Variants in CCDC80 observed in about 807,000 individuals in gnomAD.
CCDC80 encodes the protein coiled-coil domain-containing protein 80.
Under a neutral mutation model 78.7 loss-of-function variants are expected in CCDC80, and 49 were observed. The ratio of observed to expected loss-of-function variants is 0.62; its 90% CI spans 0.50 to 0.79. CCDC80 has a LOEUF of 0.79. Ranked by LOEUF, CCDC80 falls within the 30% of genes least tolerant of loss-of-function variation. The pLI, the probability that CCDC80 is intolerant of heterozygous loss-of-function variation, is 0.00. For missense variants in CCDC80, 1,205 were observed against 1,198.6 expected (o/e 1.01, Z -0.08); for synonymous variants, 488 against 447.0 (o/e 1.09, Z -1.16).
chr3:112,616,754 A>G lies in CCDC80; in HGVS notation c.2277T>C (p.Val759=). ...DMEKQKKEGI[V]CKEDKKQSLE... ...GGGACTGCTTTTTGTCCTCTTTGCA[A>G]ACAATGCCCTCCTTCTTCTGCTTCT... The change falls in exon 5 of 8, where the codon GTT becomes GTC. Residue 759 remains valine (V), a synonymous_variant. Coordinates refer to ENST00000206423, the MANE Select transcript of CCDC80 (RefSeq NM_199511.3). 1 of 1,614,208 alleles carries G rather than the reference A, an allele frequency of 6.2e-7. No homozygotes were observed. The highest frequency in any genetic ancestry group is 2.2e-5 in the East Asian group (1 of 44,882).
rs1935426315 is a variant in CCDC80, at chr3:112,604,175, A to G, written c.*1242T>C. ...CAACAAAGGATTTACAACATTACAT[A>G]AATTTCATTAATAAAGCAGCAACAG... On this transcript the variant is annotated 3_prime_UTR_variant, in exon 8 of 8. Transcript: ENST00000206423. 6.6e-6 allele frequency: 1 copy of G among 152,266 alleles called. No homozygotes were observed. The highest frequency in any genetic ancestry group is 2.1e-4 in the South Asian group (1 of 4,834). The allele number at this position is 152,266 out of a possible 1,614,324, so 9.4% of individuals were successfully genotyped here.
In CCDC80 at chr3:112,616,771, T is replaced by C. The variant is rs371693250; in HGVS notation, c.2260A>G (p.Lys754Glu). ...QSRIKDMEKQ[K>E]KEGIVCKEDK... ...TCTTTGCAAACAATGCCCTCCTTCT[T>C]CTGCTTCTCCATATCTTTGATTCGG... The change falls in exon 5 of 8, where the codon AAG (lysine) becomes GAG (glutamate). Residue 754 changes from lysine (K) to glutamate (E), a missense_variant. Lys to Glu is a moderately conservative substitution (Grantham distance 56, BLOSUM62 1). Transcript: ENST00000206423. 1.0e-4 allele frequency: 167 copies of C among 1,614,104 alleles called. No individual in the cohort carries two copies. Among genetic ancestry groups the C allele is most frequent in the Non-Finnish European group, 1.2e-4 (136 of 1,180,028 alleles).
In CCDC80 at chr3:112,639,330, C is replaced by G. The variant is rs748411097; in HGVS notation, c.576G>C (p.Gln192His). 2.5e-6 allele frequency: 4 copies of G among 1,614,208 alleles called. No homozygotes were observed. The East Asian group carries it at 8.9e-5, about 36-fold the overall frequency. Residue 192 changes from glutamine (Q) to histidine (H), a missense_variant, in exon 2 of 8, where the codon CAG becomes CAC. Physicochemically the swap from Gln to His is conservative, Grantham distance 24 (BLOSUM62 0). Transcript: ENST00000206423. ...TCACCTTGCCTCCTTCCTCACCTGC[C>G]TGGTGGAAGAGCACAATCTGTTGGA... ...RHIQQIVLFH[Q>H]AGEEGGKVRR... is the part of the protein sequence containing the mutation.
chr3:112,636,240 T>A (rs529994594), intron 2 of CCDC80, among the ~76,000 whole-genome samples: 45 of 152,278 alleles, frequency 3.0e-4, no homozygotes, highest in Middle Eastern at 6.8e-3. Flanking sequence ...CTAACAGACA[T>A]TCAAGTATCA....
At chr3:112,616,939 T>C in intron 4 of CCDC80, 81 bp from the exon 5 acceptor site, 1 of 1,407,256 alleles carries the variant, frequency 7.1e-7, no homozygotes, top group South Asian at 1.2e-5. Flanking sequence ...CCTGTGAGAA[T>C]TCAGAGGAGC....
intron 1 of CCDC80, 137 bp from the exon 2 acceptor site, chr3:112,640,053 G>A (rs1936312175): frequency 7.1e-7 from 1 of 1,417,742 alleles, no homozygotes; most frequent in Non-Finnish European, 9.2e-7. Context: ...TTAGAGAGAA[G>A]GAGGGAGGTC....
At position 112,639,610 on chromosome 3, in the gene CCDC80, C is replaced by G; in HGVS notation, c.296G>C (p.Gly99Ala). ...TEPPARSDIN[G>A]AAVRPEQRPA... ...TCTTTGCTCAGGTCTCACGGCGGCC[C>G]CATTGATGTCCGAGCGGGCTGGCGG... The change falls in exon 2 of 8, where the codon GGG (glycine) becomes GCG (alanine). Residue 99 changes from glycine (G) to alanine (A), a missense_variant. Coordinates refer to ENST00000206423, the MANE Select transcript of CCDC80 (RefSeq NM_199511.3). 1 of 1,614,138 alleles carries G rather than the reference C, an allele frequency of 6.2e-7. No homozygotes were observed. The highest frequency in any genetic ancestry group is 8.5e-7 in the Non-Finnish European group (1 of 1,180,024).
intron 4 of CCDC80, among the ~76,000 whole-genome samples, chr3:112,618,296 A>G (rs6789723): frequency 0.78 from 118,913 of 152,114 alleles, 47,982 homozygotes; most frequent in Non-Finnish European, 0.88. Context: ...CGAGGCAGGC[A>G]GATCACGAGG....
At chr3:112,615,000 C>G (rs1191027572) in intron 5 of CCDC80, among the ~76,000 whole-genome samples, 3 of 152,150 alleles carry the variant, frequency 2.0e-5, no homozygotes, top group Non-Finnish European at 4.4e-5. Context: ...GATTAGCACA[C>G]AAAAAGTGTT....
chr3:112,601,203 A>C lies in CCDC80; in HGVS notation c.*4214T>G, dbSNP rs2107464481. On this transcript the variant is annotated 3_prime_UTR_variant, in exon 8 of 8. Transcript: ENST00000206423. The stretch of plus-strand genomic sequence containing the variant: ...GATTTGTCAAGTTCATTGAACTATA[A>C]ATTCCATTTTTACTGTCATTTATTT... 1 of 152,348 alleles carries C rather than the reference A, an allele frequency of 6.6e-6. No individual in the cohort carries two copies. Among genetic ancestry groups the C allele is most frequent in the African/African-American group, 2.4e-5 (1 of 41,584 alleles). 9.4% of individuals were successfully genotyped at this position (152,348 alleles called of 1,614,324 possible).
chr3:112,616,138 G>A (rs1418985888), intron 5 of CCDC80, among the ~76,000 whole-genome samples: 1 of 152,108 alleles, frequency 6.6e-6, no homozygotes, highest in Non-Finnish European at 1.5e-5. Context: ...CTCCCCCATG[G>A]ACACTGGGGT....
In CCDC80 at chr3:112,602,523, T is replaced by A. The variant is rs138552948; in HGVS notation, c.*2894A>T. On this transcript the variant is annotated 3_prime_UTR_variant, in exon 8 of 8. Coordinates refer to ENST00000206423, the MANE Select transcript of CCDC80 (RefSeq NM_199511.3). ...GCAAAGGAAAAGTTCTTGAAGGAAA[T>A]TAAAAGTGCTACTTTGTGAATGCAT... is the stretch of plus-strand genomic sequence containing the variant. 216 of 152,290 alleles carry A rather than the reference T, an allele frequency of 1.4e-3. 2 individuals carry two copies. The highest frequency in any genetic ancestry group is 5.0e-3 in the African/African-American group (207 of 41,550). The allele number at this position is 152,290 out of a possible 1,614,324, so 9.4% of individuals were successfully genotyped here.
intron 4 of CCDC80, 76 bp from the exon 5 acceptor site, chr3:112,616,934 G>A: frequency 2.1e-6 from 3 of 1,438,168 alleles, no homozygotes; most frequent in South Asian, 1.2e-5. Flanking sequence ...GAGAACCTGT[G>A]AGAATTCAGA....
intron 6 of CCDC80, among the ~76,000 whole-genome samples, chr3:112,608,914 C>G (rs571413434): frequency 6.6e-6 from 1 of 152,200 alleles, no homozygotes; most frequent in Admixed American, 6.5e-5. Flanking sequence ...ATAACAAGGA[C>G]CTTGGCTCTG....
At position 112,635,770 on chromosome 3, in the gene CCDC80, G is replaced by C. The variant is rs80182819; in HGVS notation, c.1878+2258C>G. On this transcript the variant is annotated intron_variant, in intron 2 of 7. Transcript: ENST00000206423. Reference sequence around the variant, plus strand: ...ACCAACACTGCCAGGAGCAATTCCAGCTGGTTTCTGTTTTGCCTCACATGA... The same window carrying C: ...ACCAACACTGCCAGGAGCAATTCCACCTGGTTTCTGTTTTGCCTCACATGA... 1.0e-3 allele frequency among the ~76,000 whole-genome samples: 152 copies of C among 152,304 alleles called. 1 individual carries two copies. In the East Asian group the frequency reaches 0.027, roughly 27 times the overall value.
chr3:112,636,373 G>A (rs1350534782), intron 2 of CCDC80, among the ~76,000 whole-genome samples: 2 of 152,098 alleles, frequency 1.3e-5, no homozygotes, highest in Non-Finnish European at 2.9e-5. Context: ...GACACATTAA[G>A]GCTCTGGTTA....
In CCDC80 at chr3:112,638,365, C is replaced by T. The variant is rs777714728; in HGVS notation, c.1541G>A (p.Arg514Gln). The change falls in exon 2 of 8, where the codon CGG (arginine) becomes CAG (glutamine). Residue 514 changes from arginine to glutamine, a missense_variant. Coordinates refer to ENST00000206423, the MANE Select transcript of CCDC80 (RefSeq NM_199511.3). ...GTCCTCCAGCTGAGAGGCAGTAGGC[C>T]GGCTGAGGTCATACTTCTCCTCATA... The part of the protein sequence containing the change: ...NEYEEKYDLS[R>Q]PTASQLEDEL... The T allele has an allele frequency of 3.1e-6, 5 of 1,614,072 alleles. No homozygotes were observed. Among genetic ancestry groups the T allele is most frequent in the East Asian group, 2.2e-5 (1 of 44,878 alleles).
intron 2 of CCDC80, among the ~76,000 whole-genome samples, chr3:112,630,546 A>G (rs533647075): frequency 1.3e-5 from 2 of 152,324 alleles, no homozygotes; most frequent in African/African-American, 4.8e-5. Flanking sequence ...AACTCTGCAA[A>G]GGAATATTTA....
intron 1 of CCDC80, 140 bp downstream of exon 1, chr3:112,640,187 G>T: frequency 4.6e-6 from 2 of 431,832 alleles, no homozygotes; most frequent in Non-Finnish European, 8.2e-6. Flanking sequence ...TGCTTGTACT[G>T]TTTCAACTAA....
Sources: gnomAD v4.1 joint callset for allele counts (sites outside exome capture counted in the v4.1 genomes callset) on GRCh38, gnomAD v4.1.1 for gene constraint, MANE v1.5 for transcripts, NCBI Gene and HGNC (gene_info 2026-07-23, HGNC 2026-07-21) for gene names.